ARID4B: variants seen among roughly 807,000 people sequenced by gnomAD.
ARID4B encodes the protein AT-rich interaction domain 4B.
A neutral mutation model predicts 147.5 loss-of-function variants in ARID4B; 26 were observed. The observed-to-expected ratio is 0.18, with a 90% confidence interval of 0.13 to 0.24. The LOEUF (loss-of-function observed/expected upper bound fraction) is 0.24. ARID4B is among the 10% of genes least tolerant of loss of function. The pLI, the probability that ARID4B is intolerant of heterozygous loss-of-function variation, is 1.00. For missense variants in ARID4B, 1,179 were observed against 1,511.5 expected (o/e 0.78, Z 3.65); for synonymous variants, 512 against 507.9 (o/e 1.01, Z -0.11).
chr1:235,206,798 G>C (rs1240492535), intron 17 of ARID4B, among the ~76,000 whole-genome samples: 2 of 152,196 alleles, frequency 1.3e-5, no homozygotes, highest in African/African-American at 4.8e-5. Context: ...AAAGGCTGAT[G>C]AGAGTGGATT....
intron 17 of ARID4B, among the ~76,000 whole-genome samples, chr1:235,207,982 G>A (rs1666434859): frequency 6.6e-6 from 1 of 152,172 alleles, no homozygotes; most frequent in South Asian, 2.1e-4. Context: ...TTTTACAACT[G>A]AAGTTTTACA....
chr1:235,206,950 A>G (rs1202797324), intron 17 of ARID4B, among the ~76,000 whole-genome samples: 1 of 152,244 alleles, frequency 6.6e-6, no homozygotes, highest in African/African-American at 2.4e-5. Context: ...AAATAACCAC[A>G]GATCTGTAAG....
chr1:235,254,708 C>T (rs1466188891), intron 5 of ARID4B, among the ~76,000 whole-genome samples: 3 of 151,266 alleles, frequency 2.0e-5, no homozygotes, highest in African/African-American at 7.3e-5. Flanking sequence ...ACACATATAC[C>T]AAAACTAATA....
chr1:235,316,471 T>C lies in ARID4B; in HGVS notation c.6+10443A>G, dbSNP rs35814385. 9.1e-3 allele frequency among the ~76,000 whole-genome samples: 1,382 copies of C among 152,198 alleles called. 14 individuals are homozygous for C. Among genetic ancestry groups the C allele is most frequent in the South Asian group, 0.064 (310 of 4,830 alleles). ...CTGCAGTAAGCCAAGATCGCACTAC[T>C]GCACTCCAGCCTGGGCGACACAGCA... On this transcript the variant is annotated intron_variant, in intron 2 of 23. Transcript: ENST00000264183.
chr1:235,323,754 G>A (rs952214133), intron 2 of ARID4B, among the ~76,000 whole-genome samples: 11 of 151,456 alleles, frequency 7.3e-5, no homozygotes, highest in Admixed American at 5.9e-4. Flanking sequence ...ACTGCACTCC[G>A]GCCTGGGCAA....
At chr1:235,309,140 T>C (rs1209717534) in intron 2 of ARID4B, among the ~76,000 whole-genome samples, 5 of 121,502 alleles carry the variant, frequency 4.1e-5, no homozygotes, top group African/African-American at 1.3e-4. Context: ...CCGTCTGGGA[T>C]GTGAGGAGCG....
At chr1:235,258,367 G>GT (rs1670109996) in intron 3 of ARID4B, among the ~76,000 whole-genome samples, 2 of 152,046 alleles carry the variant, frequency 1.3e-5, no homozygotes, top group Admixed American at 6.6e-5. Context: ...AACAGAAAGT[G>GT]TAAGTACCTG....
intron 7 of ARID4B, among the ~76,000 whole-genome samples, chr1:235,243,591 C>T (rs1323890835): frequency 1.3e-5 from 2 of 152,128 alleles, no homozygotes; most frequent in African/African-American, 2.4e-5. Flanking sequence ...TCACACTTCA[C>T]TATTAACTCT....
intron 2 of ARID4B, among the ~76,000 whole-genome samples, chr1:235,292,838 C>A (rs1453017860): frequency 6.6e-6 from 1 of 152,122 alleles, no homozygotes; most frequent in African/African-American, 2.4e-5. Flanking sequence ...ACATGGACCC[C>A]AAAGTCTCTG....
At chr1:235,254,508 G>C (rs1489249658) in intron 5 of ARID4B, among the ~76,000 whole-genome samples, 2 of 151,634 alleles carry the variant, frequency 1.3e-5, no homozygotes, top group East Asian at 3.9e-4. Context: ...AAAATTTGAA[G>C]AATACATTAG....
chr1:235,168,389 C>T lies in ARID4B; in HGVS notation c.*136G>A. 1.9e-6 allele frequency: 2 copies of T among 1,037,022 alleles called. No individual in the cohort carries two copies. Among genetic ancestry groups the T allele is most frequent in the Non-Finnish European group, 2.6e-6 (2 of 765,202 alleles). 64.2% of individuals were successfully genotyped at this position (1,037,022 alleles called of 1,614,324 possible). ...TTCATAAAAAAGTGCACTTAAGTGC[C>T]AAGTCAGCTTGTCAAGAAACAATTT... On this transcript the variant is annotated 3_prime_UTR_variant, in exon 24 of 24. Transcript: ENST00000264183.
chr1:235,303,674 A>G (rs1015953789), intron 2 of ARID4B, among the ~76,000 whole-genome samples: 2 of 152,194 alleles, frequency 1.3e-5, no homozygotes, highest in African/African-American at 4.8e-5. Context: ...GGCTGCAGTG[A>G]GCTATGATCA....
intron 19 of ARID4B, among the ~76,000 whole-genome samples, chr1:235,189,653 T>C (rs1258567645): frequency 6.6e-6 from 1 of 151,526 alleles, no homozygotes; most frequent in African/African-American, 2.4e-5. Context: ...ACCCAACTAC[T>C]TGGGAGGCTG....
chr1:235,239,411 A>C (rs765609256), intron 8 of ARID4B, among the ~76,000 whole-genome samples: 18 of 152,366 alleles, frequency 1.2e-4, no homozygotes, highest in Non-Finnish European at 2.2e-4. Flanking sequence ...TCATTAAAGT[A>C]TCATATATAG....
Position 235,231,102 on chromosome 1 carries a change from A to C in ARID4B, c.742+11T>G. On this transcript the variant is annotated intron_variant, in intron 10 of 23. Transcript: ENST00000264183. ...TACAGTACTTGTAATTTATTCCAAG[A>C]TTATCCTTACCTTGCTTTAAAACAG... 6.5e-7 allele frequency: 1 copy of C among 1,543,966 alleles called. No individual in the cohort carries two copies. The highest frequency in any genetic ancestry group is 2.3e-5 in the East Asian group (1 of 43,700).
At chr1:235,300,601 G>GCAGT (rs1027120797) in intron 2 of ARID4B, among the ~76,000 whole-genome samples, 8 of 151,942 alleles carry the variant, frequency 5.3e-5, no homozygotes, top group Non-Finnish European at 8.8e-5. Flanking sequence ...CACATACAAA[G>GCAGT]CAGTACTCAA....
At chr1:235,226,525 TA>T (rs1454859391) in intron 11 of ARID4B, among the ~76,000 whole-genome samples, 3 of 150,518 alleles carry the variant, frequency 2.0e-5, no homozygotes, top group Non-Finnish European at 4.4e-5. Flanking sequence ...CACGCCCAGC[TA>T]ATTTTTTTTT....
At chr1:235,227,781 G>T (rs928267676) in intron 11 of ARID4B, among the ~76,000 whole-genome samples, 1 of 149,986 alleles carries the variant, frequency 6.7e-6, no homozygotes, top group Non-Finnish European at 1.5e-5. Context: ...TAGATAAAAT[G>T]ATTCAAGATT....
chr1:235,229,203 T>C (rs753646205), intron 11 of ARID4B, 28 bp downstream of exon 11: 4 of 1,597,968 alleles, frequency 2.5e-6, no homozygotes, highest in Non-Finnish European at 3.4e-6. Flanking sequence ...ATTTATAATT[T>C]TAAAAGGTAT....
Sources: allele counts gnomAD v4.1 joint callset (sites outside exome capture counted in the v4.1 genomes callset), GRCh38; gene constraint gnomAD v4.1.1; transcripts MANE v1.5; gene names NCBI Gene and HGNC (gene_info 2026-07-23, HGNC 2026-07-21).